SV2B: variants seen among roughly 807,000 people sequenced by gnomAD.
SV2B encodes solute carrier family 22 member B2.
Under a neutral mutation model 73.9 loss-of-function variants are expected in SV2B, and 41 were observed. The ratio of observed to expected loss-of-function variants is 0.56; its 90% CI spans 0.43 to 0.72. SV2B has a LOEUF of 0.72. Ranked by LOEUF, SV2B falls within the 30% of genes least tolerant of loss-of-function variation. SV2B has a pLI of 0.00. For synonymous variants in SV2B, 314 were observed against 314.2 expected (o/e 1.00, Z 0.01); for missense variants, 764 against 857.8 (o/e 0.89, Z 1.37).
chr15:91,270,050 A>T (rs534631486), intron 9 of SV2B, among the ~76,000 whole-genome samples: 18 of 152,280 alleles, frequency 1.2e-4, no homozygotes, highest in African/African-American at 4.3e-4. Context: ...TGACATTGCC[A>T]AGGAAGAAAT....
chr15:91,289,767 A>C lies in SV2B; in HGVS notation c.1868+87A>C, dbSNP rs2048980048. ...CTGCTCCCTAAATCTCATGCTGTGC[A>C]TGGCCATCGTGGTCTTTCTGCTGTT... On this transcript the variant is annotated intron_variant, in intron 12 of 12. Coordinates refer to ENST00000394232, the MANE Select transcript of SV2B (RefSeq NM_001323032.3). This position sits in a 1 kb window ranked among gnomAD's most constrained non-coding sequence, Gnocchi z 4.9. 1.4e-6 allele frequency: 2 copies of C among 1,413,486 alleles called. No individual in the cohort carries two copies. The highest frequency in any genetic ancestry group is 2.6e-4 in the Middle Eastern group (1 of 3,916). 87.6% of individuals were successfully genotyped at this position (1,413,486 alleles called of 1,614,324 possible).
chr15:91,131,015 G>A (rs2042625194), intron 1 of SV2B, among the ~76,000 whole-genome samples: 1 of 152,014 alleles, frequency 6.6e-6, no homozygotes, highest in Non-Finnish European at 1.5e-5. Flanking sequence ...TAGCTACGCT[G>A]TGGAGGGAGA....
intron 12 of SV2B, among the ~76,000 whole-genome samples, chr15:91,291,579 A>G (rs1396974869): frequency 6.6e-6 from 1 of 152,210 alleles, no homozygotes; most frequent in Non-Finnish European, 1.5e-5. Context: ...CATAATTAGG[A>G]TTAGGTTTTG....
rs2045720241 is a variant in SV2B, at chr15:91,208,321, A to G, written c.-391-17552A>G. Among the ~76,000 whole-genome samples, 4 of 151,494 alleles carry G rather than the reference A, an allele frequency of 2.6e-5. No homozygotes were observed. In the South Asian group the frequency reaches 8.3e-4, roughly 31 times the overall value. ...GCTTGCAGATAACCTCTTTTTTCTTATATCTCTCGGGGAATCATTGCTTTG... is the reference window on the plus strand; with the variant it reads ...GCTTGCAGATAACCTCTTTTTTCTTGTATCTCTCGGGGAATCATTGCTTTG... On this transcript the variant is annotated intron_variant, in intron 1 of 12. Coordinates refer to ENST00000394232, the MANE Select transcript of SV2B (RefSeq NM_001323032.3).
intron 1 of SV2B, among the ~76,000 whole-genome samples, chr15:91,178,043 T>G (rs2044389611): frequency 6.6e-6 from 1 of 151,812 alleles, no homozygotes; most frequent in Non-Finnish European, 1.5e-5. Context: ...CATAGATAGC[T>G]CTTATTATTT....
rs151137956 is a variant in SV2B, at chr15:91,225,983, C to G, written c.-281C>G. On this transcript the variant is annotated 5_prime_UTR_variant, in exon 2 of 13. Transcript: ENST00000394232. ...TCCATTTCTAATCAACACTTCCCAA[C>G]GCAACACTTCTGAGTCTCTGAAGGA... The G allele has an allele frequency of 1.8e-4, 82 of 443,740 alleles. No individual in the cohort carries two copies. Among genetic ancestry groups the G allele is most frequent in the African/African-American group, 1.2e-3 (57 of 49,208 alleles). 27.5% of individuals were successfully genotyped at this position (443,740 alleles called of 1,614,324 possible). A position where few individuals can be genotyped will look rare whatever the true frequency, so the allele number is the denominator to read the frequency against.
rs935101815 is a variant in SV2B at position 91,297,337 on chromosome 15, G to A, written c.*4785G>A. 3.3e-5 allele frequency: 5 copies of A among 152,222 alleles called. No homozygotes were observed. The highest frequency in any genetic ancestry group is 4.4e-5 in the Non-Finnish European group (3 of 68,078). 9.4% of individuals were successfully genotyped at this position (152,222 alleles called of 1,614,324 possible). ...TGCTGCAGAGGAGGCAGGGAAATGC[G>A]GTATTTACTGGGAACATTGCTGCCC... On this transcript the variant is annotated 3_prime_UTR_variant, in exon 13 of 13. Coordinates refer to ENST00000394232, the MANE Select transcript of SV2B (RefSeq NM_001323032.3). The surrounding 1 kb of genome is among the most constrained non-coding windows in gnomAD (Gnocchi z 5.1).
intron 1 of SV2B, among the ~76,000 whole-genome samples, chr15:91,187,163 T>G (rs2044804107): frequency 6.6e-6 from 1 of 152,332 alleles, no homozygotes; most frequent in South Asian, 2.1e-4. Flanking sequence ...TAAAAAAAGT[T>G]TATTGGCATT....
intron 1 of SV2B, among the ~76,000 whole-genome samples, chr15:91,143,509 T>G (rs1018844290): frequency 4.6e-5 from 7 of 152,214 alleles, no homozygotes; most frequent in African/African-American, 1.7e-4. Flanking sequence ...TCCAGTGTAT[T>G]GACTTTGCAA....
intron 1 of SV2B, among the ~76,000 whole-genome samples, chr15:91,146,746 C>T (rs1269949580): frequency 1.3e-5 from 2 of 152,186 alleles, no homozygotes; most frequent in Non-Finnish European, 2.9e-5. Context: ...AAAAAGTCAT[C>T]CACAGACTCC....
chr15:91,105,058 G>A lies in SV2B; in HGVS notation c.-392+4695G>A, dbSNP rs1280665147. On this transcript the variant is annotated intron_variant, in intron 1 of 12. Transcript: ENST00000394232. The surrounding 1 kb of genome is among the most constrained non-coding windows in gnomAD (Gnocchi z 5.5). ...GTGTTTCTGTGGTTGACCATCTAGA[G>A]ATGTATGTATCTTTAGATAATCATT... is the stretch of plus-strand genomic sequence containing the variant. Among the ~76,000 whole-genome samples, 1 of 152,198 alleles carries A rather than the reference G, an allele frequency of 6.6e-6. No individual in the cohort carries two copies. Among genetic ancestry groups the A allele is most frequent in the Non-Finnish European group, 1.5e-5 (1 of 68,030 alleles).
At position 91,236,811 on chromosome 15, in the gene SV2B, C is replaced by T. The variant is rs1471470342; in HGVS notation, c.451+10097C>T. ...GGTGGGGGCTGGAATCATCGGAGGG[C>T]TCACCCACACAAATATCTGGTACCC... On this transcript the variant is annotated intron_variant, in intron 2 of 12. Transcript: ENST00000394232. This position sits in a 1 kb window ranked among gnomAD's most constrained non-coding sequence, Gnocchi z 4.1. Among the ~76,000 whole-genome samples the T allele has an allele frequency of 6.6e-6, 1 of 152,078 alleles. No homozygotes were observed. The highest frequency in any genetic ancestry group is 1.5e-5 in the Non-Finnish European group (1 of 68,012).
At position 91,137,263 on chromosome 15, in the gene SV2B, G is replaced by C. The variant is rs889519948; in HGVS notation, c.-392+36900G>C. Reference sequence around the variant, plus strand: ...CAGTCTCCAACTACTAATCACCCCAGTTAATGAGTTGTTTAAGCCACCCTC... The same window carrying C: ...CAGTCTCCAACTACTAATCACCCCACTTAATGAGTTGTTTAAGCCACCCTC... On this transcript the variant is annotated intron_variant, in intron 1 of 12. Transcript: ENST00000394232. The surrounding 1 kb of genome is among the most constrained non-coding windows in gnomAD (Gnocchi z 4.9). Among the ~76,000 whole-genome samples the C allele has an allele frequency of 2.6e-5, 4 of 152,174 alleles. No homozygotes were observed. Among genetic ancestry groups the C allele is most frequent in the Non-Finnish European group, 4.4e-5 (3 of 68,040 alleles).
At chr15:91,201,232 T>TG (rs2141385022) in intron 1 of SV2B, among the ~76,000 whole-genome samples, 1 of 152,328 alleles carries the variant, frequency 6.6e-6, no homozygotes, top group East Asian at 1.9e-4. Flanking sequence ...CTTTGTACTA[T>TG]GTACAAATCC....
rs2048985794 is a variant in SV2B, at chr15:91,289,944, G to T, written c.1868+264G>T. ...ATGTCCAGGAGAAGGAAATAAGAGTGAAAAGTTGGTAAAACCATATGTGTC... is the reference window on the plus strand; with the variant it reads ...ATGTCCAGGAGAAGGAAATAAGAGTTAAAAGTTGGTAAAACCATATGTGTC... On this transcript the variant is annotated intron_variant, in intron 12 of 12. Coordinates refer to ENST00000394232, the MANE Select transcript of SV2B (RefSeq NM_001323032.3). This position sits in a 1 kb window ranked among gnomAD's most constrained non-coding sequence, Gnocchi z 4.9. Among the ~76,000 whole-genome samples, 1 of 152,208 alleles carries T rather than the reference G, an allele frequency of 6.6e-6. No homozygotes were observed. The highest frequency in any genetic ancestry group is 2.4e-5 in the African/African-American group (1 of 41,458).
rs75368005 is a variant in SV2B, at chr15:91,281,967, G to T, written c.1507+106G>T. 7.7e-7 allele frequency: 1 copy of T among 1,302,544 alleles called. No individual in the cohort carries two copies. Among genetic ancestry groups the T allele is most frequent in the Non-Finnish European group, 1.0e-6 (1 of 979,080 alleles). 80.7% of individuals were successfully genotyped at this position (1,302,544 alleles called of 1,614,324 possible). A position where few individuals can be genotyped will look rare whatever the true frequency, so the allele number is the denominator to read the frequency against. ...AAACTTTAGGAGTAGGAAAGTATTC[G>T]TAGATACAAATGCCAAGCCTTGGTG... On this transcript the variant is annotated intron_variant, in intron 10 of 12. Coordinates refer to ENST00000394232, the MANE Select transcript of SV2B (RefSeq NM_001323032.3). This position sits in a 1 kb window ranked among gnomAD's most constrained non-coding sequence, Gnocchi z 4.7.
chr15:91,169,203 A>G (rs917402037), intron 1 of SV2B, among the ~76,000 whole-genome samples: 1 of 152,146 alleles, frequency 6.6e-6, no homozygotes, highest in Non-Finnish European at 1.5e-5. Context: ...TCCAGGGACC[A>G]TGCCGAGGGT....
chr15:91,121,422 A>G lies in SV2B; in HGVS notation c.-392+21059A>G, dbSNP rs995710374. ...CCTAATGTGCAGCCAAGACCCAGTG[A>G]CAGAGCAAACCTTCAATTATTATTA... On this transcript the variant is annotated intron_variant, in intron 1 of 12. Coordinates refer to ENST00000394232, the MANE Select transcript of SV2B (RefSeq NM_001323032.3). The surrounding 1 kb of genome is among the most constrained non-coding windows in gnomAD (Gnocchi z 4.4). Among the ~76,000 whole-genome samples, 3 of 152,248 alleles carry G rather than the reference A, an allele frequency of 2.0e-5. No homozygotes were observed. The highest frequency in any genetic ancestry group is 7.2e-5 in the African/African-American group (3 of 41,470).
chr15:91,191,627 C>G (rs977744157), intron 1 of SV2B, among the ~76,000 whole-genome samples: 1 of 152,178 alleles, frequency 6.6e-6, no homozygotes, highest in Non-Finnish European at 1.5e-5. Context: ...AAGTCTCTCT[C>G]CCCTACTGCG....
Sources: allele counts gnomAD v4.1 joint callset (sites outside exome capture counted in the v4.1 genomes callset), GRCh38; gene constraint gnomAD v4.1.1; non-coding constraint Gnocchi (gnomAD v3.1); transcripts MANE v1.5; gene names NCBI Gene and HGNC (gene_info 2026-07-23, HGNC 2026-07-21).